Variants in PPP4R4 observed in about 807,000 individuals in gnomAD.
PPP4R4 encodes protein phosphatase 4 regulatory subunit 4.
PPP4R4 carries 70 observed loss-of-function variants against 121.8 expected under a neutral mutation model. The ratio of observed to expected loss-of-function variants is 0.57; its 90% CI spans 0.47 to 0.70. PPP4R4 has a LOEUF of 0.70. Among genes scored for constraint, PPP4R4 ranks in the 30% least tolerant of loss-of-function variants. The pLI is 0.00. For missense variants in PPP4R4, 875 were observed against 1,033.6 expected (o/e 0.85, Z 2.10); for synonymous variants, 348 against 355.7 (o/e 0.98, Z 0.24).
In PPP4R4 at chr14:94,237,639, T is replaced by C; in HGVS notation, c.806T>C (p.Leu269Pro). 1.9e-6 allele frequency: 3 copies of C among 1,611,798 alleles called. No individual in the cohort carries two copies. Among genetic ancestry groups the C allele is most frequent in the Non-Finnish European group, 2.5e-6 (3 of 1,177,828 alleles). ...AGGGATGAAGGCAGCAGTGTACGAC[T>C]TGCAGCTTTTGAAACTTTGGTTAAT... ...LSRDEGSSVR[L>P]AAFETLVNLL... Residue 269 changes from leucine to proline, a missense_variant, in exon 8 of 25, where the codon CTT (leucine) becomes CCT (proline). Physicochemically the swap from Leu to Pro is moderately conservative, Grantham distance 98. Transcript: ENST00000304338.
chr14:94,253,408 C>CGAGATCACACCAG (rs991964601), intron 16 of PPP4R4, among the ~76,000 whole-genome samples: 1 of 152,014 alleles, frequency 6.6e-6, no homozygotes, highest in African/African-American at 2.4e-5. Context: ...TGCAGTGAAC[C>CGAGATCACACCAG]GAGATCACAC....
At chr14:94,219,010 G>T (rs1382295064) in intron 3 of PPP4R4, among the ~76,000 whole-genome samples, 1 of 149,162 alleles carries the variant, frequency 6.7e-6, no homozygotes, top group Non-Finnish European at 1.5e-5. Context: ...GAAATTGAGA[G>T]AATTAATTAT....
intron 21 of PPP4R4, 46 bp downstream of exon 21, chr14:94,265,519 T>C (rs780669895): frequency 2.7e-6 from 4 of 1,483,290 alleles, no homozygotes; most frequent in African/African-American, 2.8e-5. Context: ...TTTTCTTCCT[T>C]GTATACAAAT....
At chr14:94,238,739 T>C (rs1278893839) in intron 8 of PPP4R4, among the ~76,000 whole-genome samples, 1 of 152,202 alleles carries the variant, frequency 6.6e-6, no homozygotes, top group Non-Finnish European at 1.5e-5. Flanking sequence ...CGTATAATTA[T>C]AGTATTACAT....
intron 23 of PPP4R4, among the ~76,000 whole-genome samples, chr14:94,270,199 T>TA (rs1188543471): frequency 6.6e-6 from 1 of 152,188 alleles, no homozygotes; most frequent in East Asian, 1.9e-4. Flanking sequence ...TAGAGATACA[T>TA]AAAAAACTTT....
intron 3 of PPP4R4, among the ~76,000 whole-genome samples, chr14:94,228,716 G>A (rs1891855837): frequency 6.6e-6 from 1 of 152,186 alleles, no homozygotes. Context: ...GCGTAGGTGA[G>A]AGGGTAAGAG....
intron 3 of PPP4R4, among the ~76,000 whole-genome samples, chr14:94,208,891 C>A (rs910673049): frequency 6.6e-5 from 10 of 151,752 alleles, no homozygotes; most frequent in Non-Finnish European, 1.5e-4. Flanking sequence ...TGACTTAAAT[C>A]TATATTAATA....
At chr14:94,253,289 A>G (rs1362481018) in intron 16 of PPP4R4, among the ~76,000 whole-genome samples, 1 of 152,096 alleles carries the variant, frequency 6.6e-6, no homozygotes, top group African/African-American at 2.4e-5. Context: ...GTGAAACCCC[A>G]TCTCTACTAA....
chr14:94,220,322 CT>C (rs1891315194), intron 3 of PPP4R4, among the ~76,000 whole-genome samples: 1 of 152,178 alleles, frequency 6.6e-6, no homozygotes. Context: ...AGGTGAAAGA[CT>C]TTTTCCTAAG....
chr14:94,178,974 T>C (rs1465407380), intron 2 of PPP4R4, among the ~76,000 whole-genome samples: 2 of 152,228 alleles, frequency 1.3e-5, no homozygotes, highest in African/African-American at 4.8e-5. Flanking sequence ...GTGTAGACCC[T>C]GAAGGCTGGC....
At chr14:94,176,207 C>T in intron 2 of PPP4R4, 80 bp downstream of exon 2, 2 of 1,200,280 alleles carry the variant, frequency 1.7e-6, no homozygotes, top group Non-Finnish European at 2.5e-6. Flanking sequence ...AATGTATGTT[C>T]GCGTTATGTT....
chr14:94,199,273 A>T (rs1890040380), intron 2 of PPP4R4, among the ~76,000 whole-genome samples: 1 of 152,210 alleles, frequency 6.6e-6, no homozygotes. Flanking sequence ...AGTTCCCCAG[A>T]CCGCTCGCAG....
intron 23 of PPP4R4, among the ~76,000 whole-genome samples, chr14:94,274,779 C>T (rs1237361493): frequency 6.6e-6 from 1 of 152,172 alleles, no homozygotes; most frequent in Non-Finnish European, 1.5e-5. Flanking sequence ...AGCACTTCCA[C>T]TCCTTGGCAT....
intron 2 of PPP4R4, among the ~76,000 whole-genome samples, chr14:94,198,894 A>G (rs1043960495): frequency 2.0e-4 from 31 of 152,198 alleles, no homozygotes; most frequent in African/African-American, 7.2e-4. Context: ...CCAGTATTGC[A>G]CGACATTGTC....
chr14:94,231,160 C>A, intron 4 of PPP4R4, 82 bp from the exon 5 acceptor site: 2 of 966,404 alleles, frequency 2.1e-6, no homozygotes, highest in South Asian at 1.6e-5. Flanking sequence ...TCATTAAGTG[C>A]TATTGTAACT....
In PPP4R4 at chr14:94,272,546, A is replaced by G. The variant is rs1894390701; in HGVS notation, c.2450-2828A>G. Among the ~76,000 whole-genome samples the G allele has an allele frequency of 2.6e-5, 4 of 152,128 alleles. No homozygotes were observed. The South Asian group carries it at 8.3e-4, about 32-fold the overall frequency. ...CTAAATGTAAAATGCAAAACTATAA[A>G]ATTCCTAGAAGTTAACATAGGAGAA... On this transcript the variant is annotated intron_variant, in intron 23 of 24. Transcript: ENST00000304338.
chr14:94,235,388 C>CTTTTTTTTTTTTTTTTT lies in PPP4R4; in HGVS notation c.731+732_731+748dup, dbSNP rs34881107. ...TGTTTGTTTTGTTGCTCTCCTTGTT[C>CTTTTTTTTTTTTTTTTT]TTTTTTTTTTTTTTTTTTTTTTTTT... On this transcript the variant is annotated intron_variant, in intron 7 of 24. Transcript: ENST00000304338. Among the ~76,000 whole-genome samples the CTTTTTTTTTTTTTTTTT allele has an allele frequency of 1.2e-4, 6 of 50,812 alleles. 1 individual carries two copies. Among genetic ancestry groups the CTTTTTTTTTTTTTTTTT allele is most frequent in the African/African-American group, 5.5e-4 (6 of 10,876 alleles). The allele number at this position is 50,812 out of a possible 152,430, so 33.3% of individuals were successfully genotyped here.
chr14:94,208,433 A>G (rs756423827), intron 2 of PPP4R4, 31 bp from the exon 3 acceptor site: 3 of 1,512,852 alleles, frequency 2.0e-6, no homozygotes, highest in Non-Finnish European at 2.7e-6. Flanking sequence ...GCTTATAATT[A>G]TAAATTTTAA....
intron 2 of PPP4R4, among the ~76,000 whole-genome samples, chr14:94,191,482 C>T (rs1167583044): frequency 1.3e-5 from 2 of 152,148 alleles, no homozygotes; most frequent in African/African-American, 4.8e-5. Flanking sequence ...GAACATTTAT[C>T]ATTCCTTTGT....
Sources: gnomAD v4.1 joint callset for allele counts (sites outside exome capture counted in the v4.1 genomes callset) on GRCh38, gnomAD v4.1.1 for gene constraint, MANE v1.5 for transcripts, NCBI Gene and HGNC (gene_info 2026-07-23, HGNC 2026-07-21) for gene names.